MYO5A: variants seen among roughly 807,000 people sequenced by gnomAD.
MYO5A encodes myosin VA.
A neutral mutation model predicts 249.7 loss-of-function variants in MYO5A; 98 were observed. The ratio of observed to expected loss-of-function variants is 0.39; its 90% CI spans 0.33 to 0.46. The LOEUF is 0.46. Among genes scored for constraint, MYO5A ranks in the 20% least tolerant of loss-of-function variants. The pLI, the probability that MYO5A is intolerant of heterozygous loss-of-function variation, is 0.98. For missense variants in MYO5A, 1,696 were observed against 2,308.8 expected, an observed-to-expected ratio of 0.73 and a Z score of 5.44; for synonymous variants, 778 against 810.6, an observed-to-expected ratio of 0.96 and a Z score of 0.68.
At chr15:52,371,962 G>A (rs954610458) in intron 21 of MYO5A, among the ~76,000 whole-genome samples, 162 bp downstream of exon 21, 1 of 151,454 alleles carries the variant, frequency 6.6e-6, no homozygotes, top group Admixed American at 6.6e-5. Context: ...TCCACCTTAT[G>A]AGTTCATAAG....
At chr15:52,516,030 A>G (rs894955996) in intron 1 of MYO5A, among the ~76,000 whole-genome samples, 4 of 152,216 alleles carry the variant, frequency 2.6e-5, no homozygotes, top group Admixed American at 6.6e-5. Flanking sequence ...TTAATATATT[A>G]TAAGTCAGTC....
rs143886332 is a variant in MYO5A, at chr15:52,478,233, G to A, written c.28-44948C>T. Among the ~76,000 whole-genome samples, 692 of 152,348 alleles carry A rather than the reference G, an allele frequency of 4.5e-3. 7 individuals are homozygous for A. Among genetic ancestry groups the A allele is most frequent in the African/African-American group, 0.016 (660 of 41,570 alleles). ...AGCCAGGCGCGGGATATAATCTCGT[G>A]GTGTGCAGTTTGCTAAGAACGTTGG... On this transcript the variant is annotated intron_variant, in intron 1 of 41. Transcript: ENST00000399233.
chr15:52,337,615 A>G (rs1258319647), intron 33 of MYO5A, among the ~76,000 whole-genome samples, 195 bp downstream of exon 33: 1 of 152,200 alleles, frequency 6.6e-6, no homozygotes, highest in Non-Finnish European at 1.5e-5. Flanking sequence ...TTAATAACAA[A>G]CCAAACGTGA....
Position 52,350,078 on chromosome 15 carries a change from G to A in MYO5A, c.3849+1176C>T, listed in dbSNP as rs186133548. 5.7e-4 allele frequency among the ~76,000 whole-genome samples: 87 copies of A among 152,286 alleles called. 1 individual carries two copies. The highest frequency in any genetic ancestry group is 1.9e-3 in the African/African-American group (80 of 41,562). On this transcript the variant is annotated intron_variant, in intron 28 of 41. Transcript: ENST00000399233. ...CTCCCAAGTAGCTGGGACTACAGGCGCCTGCCACCACACCCGGTTGATTTT... is the reference window on the plus strand; with the variant it reads ...CTCCCAAGTAGCTGGGACTACAGGCACCTGCCACCACACCCGGTTGATTTT...
chr15:52,379,717 A>G lies in MYO5A; in HGVS notation c.2116T>C (p.Phe706Leu). ...GFPSRWTYQE[F>L]FSRYRVLMKQ... ...ATTAGGACACGGTAGCGGCTGAAAAATTCTTGGTAAGTCCACCTATTAAAA... is the reference window on the plus strand; with the variant it reads ...ATTAGGACACGGTAGCGGCTGAAAAGTTCTTGGTAAGTCCACCTATTAAAA... The change falls in exon 18 of 42, where the codon TTT becomes CTT. Residue 706 changes from phenylalanine (F) to leucine (L), a missense_variant. Transcript: ENST00000399233. 1.9e-6 allele frequency: 3 copies of G among 1,614,176 alleles called. No individual in the cohort carries two copies. The highest frequency in any genetic ancestry group is 2.5e-6 in the Non-Finnish European group (3 of 1,180,012).
At chr15:52,339,157 G>A (rs1294585845) in intron 32 of MYO5A, among the ~76,000 whole-genome samples, 3 of 152,018 alleles carry the variant, frequency 2.0e-5, no homozygotes, top group African/African-American at 2.4e-5. Flanking sequence ...ATACCTTTGC[G>A]TTTTGCTTCT....
intron 1 of MYO5A, among the ~76,000 whole-genome samples, chr15:52,448,048 T>C (rs2075931194): frequency 6.6e-6 from 1 of 152,144 alleles, no homozygotes; most frequent in African/African-American, 2.4e-5. Flanking sequence ...ATGGCTACTG[T>C]CCTCCAGACC....
In MYO5A at chr15:52,450,561, C is replaced by A. The variant is rs112534403; in HGVS notation, c.28-17276G>T. Among the ~76,000 whole-genome samples, 4 of 150,564 alleles carry A rather than the reference C, an allele frequency of 2.7e-5. No homozygotes were observed. In the South Asian group the frequency reaches 6.3e-4, roughly 24 times the overall value. On this transcript the variant is annotated intron_variant, in intron 1 of 41. Transcript: ENST00000399233. ...GTGCACGCCTGTAGTCCCAGCTACT[C>A]GGTAGGCTGAGGTGGGAGAACCACT...
In MYO5A at chr15:52,354,019, AC is replaced by A. The variant is rs758665158; in HGVS notation, c.3424-6del. 21 of 1,614,218 alleles carry A rather than the reference AC, an allele frequency of 1.3e-5. No individual in the cohort carries two copies. Among genetic ancestry groups the A allele is most frequent in the Non-Finnish European group, 1.8e-5 (21 of 1,180,036 alleles). ...TACCTTCTTCTCACTTGGTTCCTAAACCCCAGGAATCACAAAGATGGTCAAG... is the reference window on the plus strand; with the variant it reads ...TACCTTCTTCTCACTTGGTTCCTAAACCCAGGAATCACAAAGATGGTCAAG... On this transcript the variant is annotated splice_polypyrimidine_tract_variant and splice_region_variant and intron_variant, in intron 25 of 41. Coordinates refer to ENST00000399233, the MANE Select transcript of MYO5A (RefSeq NM_001382347.1).
At chr15:52,361,927 G>A (rs1335561476) in intron 24 of MYO5A, among the ~76,000 whole-genome samples, 1 of 151,926 alleles carries the variant, frequency 6.6e-6, no homozygotes, top group African/African-American at 2.4e-5. Flanking sequence ...CAAGACTAAC[G>A]ACCCCATGAT....
intron 2 of MYO5A, among the ~76,000 whole-genome samples, chr15:52,429,706 C>T (rs201845774): frequency 1.4e-5 from 1 of 69,746 alleles, no homozygotes; most frequent in Non-Finnish European, 4.0e-5. Flanking sequence ...AACAAAAAAA[C>T]AAAACAAAAC....
chr15:52,372,231 C>T lies in MYO5A; in HGVS notation c.2710G>A (p.Glu904Lys). ...GCCTCGATTTTGAGCTTCTTTAGCTCACGCTTGGCCATCATCCGCCTGAAG... is the reference window on the plus strand; with the variant it reads ...GCCTCGATTTTGAGCTTCTTTAGCTTACGCTTGGCCATCATCCGCCTGAAG... ...CCFRRMMAKR[E>K]LKKLKIEARS... is the part of the protein sequence containing the mutation. The change falls in exon 21 of 42, where the codon GAG becomes AAG. Residue 904 changes from glutamate (E) to lysine (K), a missense_variant. Physicochemically the swap from Glu to Lys is moderately conservative, Grantham distance 56 (BLOSUM62 1). This residue lies in a region of MYO5A where 412 missense variants were observed against 453.3 expected (regional missense o/e 0.91). Transcript: ENST00000399233. 1 of 1,613,306 alleles carries T rather than the reference C, an allele frequency of 6.2e-7. No homozygotes were observed. Among genetic ancestry groups the T allele is most frequent in the Non-Finnish European group, 8.5e-7 (1 of 1,180,022 alleles).
intron 5 of MYO5A, among the ~76,000 whole-genome samples, chr15:52,413,562 C>T (rs17707729): frequency 0.15 from 22,655 of 152,016 alleles, 1,807 homozygotes; most frequent in Middle Eastern, 0.22. Flanking sequence ...TCACTGGAGA[C>T]GCCGATATGC....
intron 28 of MYO5A, 34 bp downstream of exon 28, chr15:52,351,220 C>T (rs768629323): frequency 2.6e-6 from 4 of 1,568,298 alleles, no homozygotes; most frequent in East Asian, 2.2e-5. Context: ...GGCCAGTCCC[C>T]GAACACCCAG....
chr15:52,397,753 C>CA (rs1412365954), intron 9 of MYO5A, among the ~76,000 whole-genome samples: 1 of 152,128 alleles, frequency 6.6e-6, no homozygotes, highest in Middle Eastern at 3.2e-3. Context: ...TTCATTCAGT[C>CA]AAAAAATCAG....
At chr15:52,375,238 T>A in intron 20 of MYO5A, 66 bp downstream of exon 20, 1 of 1,528,954 alleles carries the variant, frequency 6.5e-7, no homozygotes, top group Non-Finnish European at 9.1e-7. Context: ...TGTGGTACTC[T>A]GTATAGATGT....
intron 12 of MYO5A, among the ~76,000 whole-genome samples, chr15:52,390,290 A>C (rs1470899315): frequency 6.6e-6 from 1 of 152,146 alleles, no homozygotes. Flanking sequence ...ACAAAAGATA[A>C]ATGCTTGAGG....
intron 1 of MYO5A, among the ~76,000 whole-genome samples, chr15:52,451,042 C>A (rs11854130): frequency 0.15 from 22,344 of 151,814 alleles, 1,774 homozygotes; most frequent in Middle Eastern, 0.22. Context: ...TTCTACTGAA[C>A]TCCAGACCCC....
intron 27 of MYO5A, among the ~76,000 whole-genome samples, chr15:52,352,911 C>T (rs2040028607): frequency 6.6e-6 from 1 of 152,170 alleles, no homozygotes; most frequent in South Asian, 2.1e-4. Context: ...CTCCCTTCCC[C>T]ATTCTCCCAC....
Sources: gnomAD v4.1 joint callset for allele counts (sites outside exome capture counted in the v4.1 genomes callset) on GRCh38, gnomAD v4.1.1 for gene constraint, gnomAD v4.1.1 regional missense constraint, MANE v1.5 for transcripts, NCBI Gene and HGNC (gene_info 2026-07-23, HGNC 2026-07-21) for gene names.